The following KRT20 variants were observed in gnomAD, a reference collection of about 807,000 sequenced individuals.
KRT20 encodes keratin 20, also known as keratin, type I cytoskeletal 20.
In KRT20, 41 loss-of-function variants were observed where a neutral mutation model predicts 43.0. The observed-to-expected ratio is 0.95, with a 90% CI of 0.74 to 1.24. KRT20 has a LOEUF of 1.24. Among genes scored for constraint, KRT20 ranks in the 50% most tolerant of loss-of-function variants. The probability of loss-of-function intolerance (pLI) is 0.00; values close to 1 mark genes in which losing one functional copy is unlikely to be tolerated. For synonymous variants in KRT20, 207 were observed against 200.6 expected, an observed-to-expected ratio of 1.03 and a Z score of -0.27; for missense variants, 533 against 521.2, an observed-to-expected ratio of 1.02 and a Z score of -0.22.
At chr17:40,880,019 C>T in intron 4 of KRT20, 81 bp from the exon 5 acceptor site, 1 of 1,594,328 alleles carries the variant, frequency 6.3e-7, no homozygotes. Flanking sequence ...GAAGAATGAA[C>T]AAATGAAAAA....
intron 1 of KRT20, among the ~76,000 whole-genome samples, chr17:40,882,998 C>T (rs1907668320): frequency 6.6e-6 from 1 of 152,080 alleles, no homozygotes; most frequent in Admixed American, 6.5e-5. Context: ...GCGTGAGCCA[C>T]CGTGCCCGGC....
In KRT20 at chr17:40,885,224, G is replaced by T; in HGVS notation, c.-39C>A. ...AGGGAGCACCTGTAGCTTCAGGATGGTTGGGGCAGAGTGTGTCTCATGGAG... is the reference window on the plus strand; with the variant it reads ...AGGGAGCACCTGTAGCTTCAGGATGTTTGGGGCAGAGTGTGTCTCATGGAG... On this transcript the variant is annotated 5_prime_UTR_variant, in exon 1 of 8. Coordinates refer to ENST00000167588, the MANE Select transcript of KRT20 (RefSeq NM_019010.3). The T allele has an allele frequency of 6.5e-7, 1 of 1,542,746 alleles. No homozygotes were observed. The highest frequency in any genetic ancestry group is 8.7e-7 in the Non-Finnish European group (1 of 1,147,924).
chr17:40,885,034 T>C lies in KRT20; in HGVS notation c.152A>G (p.His51Arg). Residue 51 changes from histidine to arginine, a missense_variant, in exon 1 of 8, where the codon CAC becomes CGC. By Grantham distance (29) the His-to-Arg change is conservative (BLOSUM62 0). Coordinates refer to ENST00000167588, the MANE Select transcript of KRT20 (RefSeq NM_019010.3). ...GRGIRISNSR[H>R]TVNYGSDLTG... ...GAGATCGCTCCCATAGTTCACCGTG[T>C]GTCTGGAGTTGGAGATGCGGATGCC... 1 of 1,614,174 alleles carries C rather than the reference T, an allele frequency of 6.2e-7. No individual in the cohort carries two copies. Among genetic ancestry groups the C allele is most frequent in the Non-Finnish European group, 8.5e-7 (1 of 1,180,034 alleles).
At chr17:40,878,948 C>T (rs111659041) in intron 5 of KRT20, among the ~76,000 whole-genome samples, 8,868 of 152,106 alleles carry the variant, frequency 0.058, 650 homozygotes, top group East Asian at 0.19. Flanking sequence ...ATTACAGGCA[C>T]ACACCACCAT....
At chr17:40,883,904 G>T (rs1007910011) in intron 1 of KRT20, among the ~76,000 whole-genome samples, 2 of 152,192 alleles carry the variant, frequency 1.3e-5, no homozygotes, top group Non-Finnish European at 2.9e-5. Context: ...GAATCAAATT[G>T]CCCTGATGTT....
At position 40,884,910 on chromosome 17, in the gene KRT20, C is replaced by A. The variant is rs140159216; in HGVS notation, c.276G>T (p.Glu92Asp). Residue 92 changes from glutamate (E) to aspartate (D), a missense_variant, in exon 1 of 8, where the codon GAG becomes GAT. By Grantham distance (45) the Glu-to-Asp change is conservative (BLOSUM62 2). Coordinates refer to ENST00000167588, the MANE Select transcript of KRT20 (RefSeq NM_019010.3). The part of the protein sequence containing the change: ...ASYLEKVRTL[E>D]QSNSKLEVQI... ...GCACTTCAAGTTTGGAGTTGGACTG[C>A]TCCAGGGTCCGCACCTTTTCTAGGT... The A allele has an allele frequency of 5.8e-5, 94 of 1,614,116 alleles. No homozygotes were observed. Among genetic ancestry groups the A allele is most frequent in the Middle Eastern group, 3.3e-4 (2 of 6,084 alleles).
chr17:40,882,573 T>G lies in KRT20; in HGVS notation c.472A>C (p.Lys158Gln). The change falls in exon 2 of 8, where the codon AAG becomes CAG. Residue 158 changes from lysine to glutamine, a missense_variant and splice_region_variant. Physicochemically the swap from Lys to Gln is moderately conservative, Grantham distance 53. Coordinates refer to ENST00000167588, the MANE Select transcript of KRT20 (RefSeq NM_019010.3). ...AKLAAEDFRL[K>Q]YETERGIRLT... ...TTTGCCACGTATTAGGGAACCTACT[T>G]CAGTCTGAAGTCCTCAGCAGCCAGT... 6.4e-7 allele frequency: 1 copy of G among 1,552,502 alleles called. No individual in the cohort carries two copies. The highest frequency in any genetic ancestry group is 8.7e-7 in the Non-Finnish European group (1 of 1,146,888).
chr17:40,880,407 G>T lies in KRT20; in HGVS notation c.631-146C>A, dbSNP rs1907543047. ...AATAATAACTTGTGTTGGGCTTATT[G>T]TGGTCCAGGTGCTGCTCTAAGTCAT... On this transcript the variant is annotated intron_variant, in intron 3 of 7. Transcript: ENST00000167588. 7.0e-6 allele frequency: 6 copies of T among 862,968 alleles called. No homozygotes were observed. The South Asian group carries it at 9.4e-5, about 14-fold the overall frequency. The allele number at this position is 862,968 out of a possible 1,614,324, so 53.5% of individuals were successfully genotyped here.
chr17:40,883,562 T>G (rs146986470), intron 1 of KRT20, among the ~76,000 whole-genome samples: 10 of 152,344 alleles, frequency 6.6e-5, no homozygotes, highest in Non-Finnish European at 1.5e-4. Context: ...TGAAAGAACA[T>G]GATGCATGAA....
At position 40,880,746 on chromosome 17, in the gene KRT20, A is replaced by G; in HGVS notation, c.498T>C (p.Arg166=). The change falls in exon 3 of 8, where the codon CGT becomes CGC. Residue 166 remains arginine (R), a synonymous_variant. Transcript: ENST00000167588. ...CTTGGAGATCAGCTTCCACTGTTAGACGTATTCCTCTCTCAGTCTCATACC... is the reference window on the plus strand; with the variant it reads ...CTTGGAGATCAGCTTCCACTGTTAGGCGTATTCCTCTCTCAGTCTCATACC... The part of the protein sequence containing the change: ...RLKYETERGI[R]LTVEADLQGL... 6.4e-7 allele frequency: 1 copy of G among 1,568,052 alleles called. No individual in the cohort carries two copies. The highest frequency in any genetic ancestry group is 2.3e-5 in the East Asian group (1 of 44,100).
intron 4 of KRT20, 52 bp from the exon 5 acceptor site, chr17:40,879,990 A>C: frequency 6.2e-7 from 1 of 1,601,844 alleles, no homozygotes; most frequent in Non-Finnish European, 8.5e-7. Flanking sequence ...AATAAGAAAG[A>C]AAAGACAGAA....
intron 5 of KRT20, 59 bp downstream of exon 5, chr17:40,879,754 A>G: frequency 6.3e-7 from 1 of 1,597,306 alleles, no homozygotes; most frequent in Non-Finnish European, 8.6e-7. Flanking sequence ...TATAGTTCCT[A>G]ACAGAGGACC....
At chr17:40,877,339 A>G (rs1291825781) in intron 7 of KRT20, 41 bp downstream of exon 7, 1 of 1,417,340 alleles carries the variant, frequency 7.1e-7, no homozygotes, top group Non-Finnish European at 9.6e-7. Context: ...AATAGAAAGC[A>G]GCTGAATGTC....
intron 6 of KRT20, 72 bp downstream of exon 6, chr17:40,878,071 AAT>A (rs1907423177): frequency 8.2e-7 from 1 of 1,224,442 alleles, no homozygotes; most frequent in East Asian, 2.3e-5. Flanking sequence ...GGTGCTGGGT[AAT>A]GAGTGACAGG....
rs372158807 is a variant in KRT20 at position 40,884,902 on chromosome 17, T to C, written c.284A>G (p.Asn95Ser). 40 of 1,614,052 alleles carry C rather than the reference T, an allele frequency of 2.5e-5. No homozygotes were observed. Among genetic ancestry groups the C allele is most frequent in the Non-Finnish European group, 3.2e-5 (38 of 1,180,042 alleles). ...CTTGATTTGCACTTCAAGTTTGGAG[T>C]TGGACTGCTCCAGGGTCCGCACCTT... is the stretch of plus-strand genomic sequence containing the variant. ...LEKVRTLEQS[N>S]SKLEVQIKQW... is the part of the protein sequence containing the mutation. The change falls in exon 1 of 8, where the codon AAC (asparagine) becomes AGC (serine). Residue 95 changes from asparagine to serine, a missense_variant. Transcript: ENST00000167588.
intron 7 of KRT20, among the ~76,000 whole-genome samples, chr17:40,877,110 T>C (rs1378920077): frequency 6.6e-6 from 1 of 152,222 alleles, no homozygotes; most frequent in African/African-American, 2.4e-5. Flanking sequence ...CTGGTTCTCA[T>C]GGACACTCTT....
At position 40,881,283 on chromosome 17, in the gene KRT20, C is replaced by G. The variant is rs576759864; in HGVS notation, c.474-513G>C. Among the ~76,000 whole-genome samples the G allele has an allele frequency of 1.7e-4, 25 of 150,472 alleles. 1 individual carries two copies. The South Asian group carries it at 5.0e-3, about 30-fold the overall frequency. On this transcript the variant is annotated intron_variant, in intron 2 of 7. Coordinates refer to ENST00000167588, the MANE Select transcript of KRT20 (RefSeq NM_019010.3). ...TGTGTATTTGAGACAGGGTCCCACT[C>G]TGTCACTCAGGCTGGAGTACAATGG...
chr17:40,876,257 G>T lies in KRT20; in HGVS notation c.*104C>A. 1 of 757,564 alleles carries T rather than the reference G, an allele frequency of 1.3e-6. No individual in the cohort carries two copies. Among genetic ancestry groups the T allele is most frequent in the Admixed American group, 1.8e-5 (1 of 54,176 alleles). 46.9% of individuals were successfully genotyped at this position (757,564 alleles called of 1,614,324 possible). On this transcript the variant is annotated 3_prime_UTR_variant, in exon 8 of 8. Transcript: ENST00000167588. ...CCCCACCCCTTCTAATCACTGCAGA[G>T]TATTAATAGTGCTTTCTTATGGCTG...
rs772982751 is a variant in KRT20 at position 40,882,646 on chromosome 17, A to T, written c.399T>A (p.Asp133Glu). The part of the protein sequence containing the change: ...QIEELRSQIK[D>E]AQLQNARCVL... Reference sequence around the variant, plus strand: ...CACACCGAGCATTTTGCAGTTGAGCATCCTTAATCTGGAAAATACATGAGA... The same window carrying T: ...CACACCGAGCATTTTGCAGTTGAGCTTCCTTAATCTGGAAAATACATGAGA... The change falls in exon 2 of 8, where the codon GAT (aspartate) becomes GAA (glutamate). Residue 133 changes from aspartate (D) to glutamate (E), a missense_variant. By Grantham distance (45) the Asp-to-Glu change is conservative. Transcript: ENST00000167588. The T allele has an allele frequency of 2.0e-5, 30 of 1,495,944 alleles. No individual in the cohort carries two copies. The highest frequency in any genetic ancestry group is 2.7e-5 in the Non-Finnish European group (30 of 1,114,896). The allele number at this position is 1,495,944 out of a possible 1,614,324, so 92.7% of individuals were successfully genotyped here.
Sources: gnomAD v4.1 joint callset for allele counts (sites outside exome capture counted in the v4.1 genomes callset) on GRCh38, gnomAD v4.1.1 for gene constraint, MANE v1.5 for transcripts, NCBI Gene and HGNC (gene_info 2026-07-23, HGNC 2026-07-21) for gene names.